The following CENPP variants were observed in gnomAD, a reference collection of about 807,000 sequenced individuals.
The protein encoded by CENPP is centromere protein P.
A neutral mutation model predicts 35.6 loss-of-function variants in CENPP; 24 were observed. That is an observed-to-expected ratio of 0.67 (90% confidence interval 0.49 to 0.95). CENPP has a LOEUF of 0.95. Among genes scored for constraint, CENPP ranks in the 40% least tolerant of loss-of-function variants. The pLI, the probability that CENPP is intolerant of heterozygous loss-of-function variation, is 0.00. For missense variants in CENPP, 332 were observed against 345.3 expected, an observed-to-expected ratio of 0.96 and a Z score of 0.31; for synonymous variants, 120 against 125.5, an observed-to-expected ratio of 0.96 and a Z score of 0.29.
chr9:92,332,163 CT>C lies in CENPP; in HGVS notation c.108-3del. On this transcript the variant is annotated splice_region_variant and splice_polypyrimidine_tract_variant and intron_variant, in intron 1 of 7. Transcript: ENST00000375587. ...TGGAGTGATTATTTTTGATATTTGC[CT>C]TTTAGAAAATCTTTTCAAGCCATAC... 1 of 1,568,860 alleles carries C rather than the reference CT, an allele frequency of 6.4e-7. No individual in the cohort carries two copies.
intron 2 of CENPP, among the ~76,000 whole-genome samples, chr9:92,333,110 T>C (rs1364920825): frequency 6.6e-5 from 10 of 152,178 alleles, no homozygotes; most frequent in Admixed American, 6.5e-4. Context: ...ATGACTAGAT[T>C]TTATTGCCAA....
chr9:92,400,945 A>G, intron 5 of CENPP: 2 of 519,976 alleles, frequency 3.8e-6, no homozygotes, highest in Non-Finnish European at 6.8e-6. Context: ...AATGGTGTGC[A>G]CTCCCAGTTT....
At chr9:92,459,936 A>C (rs553003035) in intron 5 of CENPP, among the ~76,000 whole-genome samples, 2 of 152,286 alleles carry the variant, frequency 1.3e-5, no homozygotes, top group African/African-American at 4.8e-5. Context: ...TGTAACAACT[A>C]TCTTCCAGTT....
upstream of CENPP, chr9:92,325,864 G>C: frequency 1.5e-6 from 1 of 654,674 alleles, no homozygotes; most frequent in Non-Finnish European, 2.6e-6. Flanking sequence ...GTCACGCGGA[G>C]CTCTCCCGCC....
chr9:92,578,144 G>A (rs1333763074), intron 5 of CENPP, among the ~76,000 whole-genome samples: 1 of 151,828 alleles, frequency 6.6e-6, no homozygotes, highest in Non-Finnish European at 1.5e-5. Flanking sequence ...ATTTTTTATG[G>A]CTGCATAGTA....
chr9:92,415,850 T>TAC (rs1336959848), intron 5 of CENPP, among the ~76,000 whole-genome samples: 1 of 146,060 alleles, frequency 6.8e-6, no homozygotes, highest in East Asian at 2.0e-4. Flanking sequence ...TATAAAAAAA[T>TAC]ATATATATAT....
chr9:92,588,553 A>C (rs1219368537), intron 5 of CENPP, among the ~76,000 whole-genome samples: 1 of 152,072 alleles, frequency 6.6e-6, no homozygotes. Flanking sequence ...GTGCCCGGCC[A>C]GCTGTGAGTT....
chr9:92,454,149 A>G (rs867062934), intron 5 of CENPP, among the ~76,000 whole-genome samples: 6 of 152,248 alleles, frequency 3.9e-5, no homozygotes, highest in Middle Eastern at 6.8e-3. Context: ...TTGGCAGTAA[A>G]TGTTAATGCA....
At chr9:92,342,049 T>C (rs1057476675) in intron 3 of CENPP, among the ~76,000 whole-genome samples, 3 of 152,254 alleles carry the variant, frequency 2.0e-5, no homozygotes, top group African/African-American at 7.2e-5. Flanking sequence ...GGTGGTTTTA[T>C]GATAATCAGG....
At chr9:92,385,720 C>T (rs770580940) in intron 5 of CENPP, 21 of 1,613,850 alleles carry the variant, frequency 1.3e-5, no homozygotes, top group South Asian at 7.7e-5. Context: ...CTCTTCAATG[C>T]GGTCCCGGAT....
At chr9:92,388,560 G>T (rs1352414590) in intron 5 of CENPP, among the ~76,000 whole-genome samples, 1 of 151,332 alleles carries the variant, frequency 6.6e-6, no homozygotes, top group Admixed American at 6.6e-5. Flanking sequence ...AAAAAAAAAG[G>T]CCAGGCACGG....
intron 5 of CENPP, among the ~76,000 whole-genome samples, chr9:92,448,606 G>C (rs1419448355): frequency 1.3e-5 from 2 of 152,028 alleles, no homozygotes; most frequent in Non-Finnish European, 2.9e-5. Context: ...CATCTCTAGG[G>C]GGGTGTAAGC....
In CENPP at chr9:92,514,853, C is replaced by T. The variant is rs149244773; in HGVS notation, c.565-96461C>T. 2.8e-4 allele frequency: 449 copies of T among 1,612,792 alleles called. 2 individuals carry two copies. The African/African-American group carries it at 5.6e-3, about 20-fold the overall frequency. ...TCATCCTCCTCACCCTCCTCACCCT[C>T]CTCCTCCTCATCCTCCTCCTCCTCC... is the stretch of plus-strand genomic sequence containing the variant. On this transcript the variant is annotated intron_variant, in intron 5 of 7. Transcript: ENST00000375587.
intron 5 of CENPP, among the ~76,000 whole-genome samples, chr9:92,396,622 C>T (rs192810102): frequency 6.6e-5 from 10 of 150,796 alleles, no homozygotes; most frequent in East Asian, 2.0e-4. Context: ...GGGGTACAGT[C>T]GCATGATCAT....
At chr9:92,459,565 G>T in intron 5 of CENPP, 1 of 1,497,028 alleles carries the variant, frequency 6.7e-7, no homozygotes. Flanking sequence ...CTTGAGGTGT[G>T]CTAAAGTGTG....
In CENPP at chr9:92,618,662, A is replaced by G. The variant is rs1385115356; in HGVS notation, c.*5513A>G. ...GGGGATAACAGGAGTTTTCAACTAAATAGAACAACCTTTTTTCTACTTCAG... is the reference window on the plus strand; with the variant it reads ...GGGGATAACAGGAGTTTTCAACTAAGTAGAACAACCTTTTTTCTACTTCAG... On this transcript the variant is annotated 3_prime_UTR_variant, in exon 8 of 8. Coordinates refer to ENST00000375587, the MANE Select transcript of CENPP (RefSeq NM_001012267.3). 2.3e-6 allele frequency: 1 copy of G among 427,538 alleles called. No individual in the cohort carries two copies. The highest frequency in any genetic ancestry group is 4.7e-6 in the Non-Finnish European group (1 of 210,922). The allele number at this position is 427,538 out of a possible 1,614,324, so 26.5% of individuals were successfully genotyped here.
intron 5 of CENPP, among the ~76,000 whole-genome samples, chr9:92,381,937 G>A (rs1259117723): frequency 2.0e-5 from 3 of 150,546 alleles, no homozygotes; most frequent in Non-Finnish European, 3.0e-5. Flanking sequence ...CTAATGGGTA[G>A]GAAGTGATAT....
At chr9:92,584,501 A>G (rs1014951419) in intron 5 of CENPP, among the ~76,000 whole-genome samples, 1 of 152,144 alleles carries the variant, frequency 6.6e-6, no homozygotes, top group African/African-American at 2.4e-5. Context: ...GGTATGCGTC[A>G]CCATGCCTGG....
intron 5 of CENPP, among the ~76,000 whole-genome samples, chr9:92,536,365 A>T (rs564430452): frequency 7.9e-5 from 12 of 152,316 alleles, no homozygotes; most frequent in African/African-American, 2.9e-4. Context: ...GAGCTTTATC[A>T]GATTATAGGG....
Sources: gnomAD v4.1 joint callset for allele counts (sites outside exome capture counted in the v4.1 genomes callset) on GRCh38, gnomAD v4.1.1 for gene constraint, MANE v1.5 for transcripts, NCBI Gene and HGNC (gene_info 2026-07-23, HGNC 2026-07-21) for gene names.